CPQ: variants seen among roughly 807,000 people sequenced by gnomAD.
The protein encoded by CPQ is carboxypeptidase Q, also known as Ser-Met dipeptidase.
Under a neutral mutation model 45.7 loss-of-function variants are expected in CPQ, and 37 were observed. The observed-to-expected ratio is 0.81, with a 90% CI of 0.62 to 1.07. The LOEUF (loss-of-function observed/expected upper bound fraction) is 1.07. CPQ is among the 50% of genes least tolerant of loss of function. The pLI is 0.00. For missense variants in CPQ, 537 were observed against 572.9 expected (o/e 0.94, Z 0.64); for synonymous variants, 186 against 205.8 (o/e 0.90, Z 0.82).
intron 3 of CPQ, among the ~76,000 whole-genome samples, chr8:96,849,966 A>T (rs966859976): frequency 1.3e-5 from 2 of 152,182 alleles, no homozygotes; most frequent in African/African-American, 4.8e-5. Context: ...ACAAGGACAC[A>T]TTATTTTTTA....
chr8:96,922,675 G>A (rs138900333), intron 4 of CPQ, among the ~76,000 whole-genome samples: 61 of 152,212 alleles, frequency 4.0e-4, no homozygotes, highest in African/African-American at 1.3e-3. Context: ...CAATGTCTCC[G>A]ACAACCTAAA....
intron 1 of CPQ, among the ~76,000 whole-genome samples, chr8:96,648,847 C>T (rs983292220): frequency 6.6e-6 from 1 of 152,186 alleles, no homozygotes; most frequent in Non-Finnish European, 1.5e-5. Context: ...ATGAACATGG[C>T]ATTCTTCAGG....
chr8:97,024,009 A>G (rs1245740535), intron 5 of CPQ, among the ~76,000 whole-genome samples: 2 of 152,156 alleles, frequency 1.3e-5, no homozygotes, highest in Non-Finnish European at 2.9e-5. Flanking sequence ...ATCCTCAGCC[A>G]TTGTTCCCTA....
intron 1 of CPQ, among the ~76,000 whole-genome samples, chr8:96,747,133 A>G (rs552214966): frequency 1.0e-3 from 152 of 152,228 alleles, no homozygotes; most frequent in Non-Finnish European, 1.9e-3. Flanking sequence ...TCTACTAAAA[A>G]TACAAAAATT....
At chr8:96,909,603 G>C (rs538037470) in intron 4 of CPQ, among the ~76,000 whole-genome samples, 13 of 152,270 alleles carry the variant, frequency 8.5e-5, no homozygotes, top group Non-Finnish European at 1.5e-5. Flanking sequence ...CTTTCTCACA[G>C]TATTGGAAAC....
intron 1 of CPQ, among the ~76,000 whole-genome samples, chr8:96,743,315 T>A (rs1004251642): frequency 2.6e-5 from 4 of 151,742 alleles, no homozygotes; most frequent in African/African-American, 9.6e-5. Flanking sequence ...GAGCCTTGGT[T>A]TTCAGCTCCA....
intron 3 of CPQ, among the ~76,000 whole-genome samples, chr8:96,836,079 T>G (rs1328595991): frequency 6.6e-6 from 1 of 152,202 alleles, no homozygotes; most frequent in Non-Finnish European, 1.5e-5. Context: ...AGCATAACTT[T>G]AGTGTGATAG....
intron 7 of CPQ, among the ~76,000 whole-genome samples, chr8:97,088,995 G>C (rs1483240888): frequency 6.6e-6 from 1 of 152,126 alleles, no homozygotes; most frequent in Admixed American, 6.6e-5. Context: ...TGTAATCCCA[G>C]CACTTTGGAA....
At chr8:96,799,143 A>C (rs1170051673) in intron 2 of CPQ, among the ~76,000 whole-genome samples, 4 of 152,226 alleles carry the variant, frequency 2.6e-5, no homozygotes, top group Non-Finnish European at 5.9e-5. Context: ...GAGAAGGATA[A>C]ATAAACATCA....
intron 1 of CPQ, among the ~76,000 whole-genome samples, chr8:96,767,416 G>A (rs1210716343): frequency 6.6e-6 from 1 of 151,302 alleles, no homozygotes; most frequent in African/African-American, 2.4e-5. Context: ...TTCCCAAGCC[G>A]TTTTTGGCAC....
intron 3 of CPQ, among the ~76,000 whole-genome samples, chr8:96,861,060 C>A (rs1811920446): frequency 6.6e-6 from 1 of 152,100 alleles, no homozygotes; most frequent in Non-Finnish European, 1.5e-5. Flanking sequence ...ATTCACTCTT[C>A]TTTAAACAGT....
intron 1 of CPQ, among the ~76,000 whole-genome samples, chr8:96,734,574 G>T (rs1198039862): frequency 6.6e-6 from 1 of 151,974 alleles, no homozygotes; most frequent in Admixed American, 6.6e-5. Context: ...AGCTGGGCGT[G>T]GTGGCAGGCG....
chr8:97,119,404 G>T (rs924557605), intron 7 of CPQ, among the ~76,000 whole-genome samples: 1 of 149,482 alleles, frequency 6.7e-6, no homozygotes. Context: ...GTGATCTCAG[G>T]TTAATGATTT....
intron 1 of CPQ, among the ~76,000 whole-genome samples, chr8:96,751,257 T>C (rs562692320): frequency 6.6e-6 from 1 of 152,322 alleles, no homozygotes; most frequent in South Asian, 2.1e-4. Context: ...CCACCAACAG[T>C]GTAACAGCAT....
intron 3 of CPQ, among the ~76,000 whole-genome samples, chr8:96,841,484 T>A (rs1039407601): frequency 6.6e-6 from 1 of 152,214 alleles, no homozygotes; most frequent in Admixed American, 6.5e-5. Context: ...CTGCCACACA[T>A]ACATTTTTTC....
intron 4 of CPQ, among the ~76,000 whole-genome samples, chr8:96,926,436 A>T (rs552044309): frequency 1.3e-5 from 2 of 152,328 alleles, no homozygotes; most frequent in East Asian, 3.9e-4. Context: ...ATAAACGTTT[A>T]TGGAATGCCT....
At chr8:96,923,938 G>A (rs1586453479) in intron 4 of CPQ, among the ~76,000 whole-genome samples, 2 of 152,222 alleles carry the variant, frequency 1.3e-5, no homozygotes, top group South Asian at 4.1e-4. Context: ...GCCCCTGAAG[G>A]ATGAGAAAGC....
chr8:96,851,030 G>A (rs1053106369), intron 3 of CPQ, among the ~76,000 whole-genome samples: 12 of 152,172 alleles, frequency 7.9e-5, no homozygotes, highest in Non-Finnish European at 5.9e-5. Flanking sequence ...AATTCAGAGA[G>A]GGGTAAAGAA....
chr8:96,808,084 C>T (rs1174707195), intron 2 of CPQ, among the ~76,000 whole-genome samples: 2 of 152,128 alleles, frequency 1.3e-5, no homozygotes, highest in Non-Finnish European at 2.9e-5. Context: ...CTTAGAGTTG[C>T]TGTTGAATAC....
Sources: gnomAD v4.1 joint callset for allele counts (sites outside exome capture counted in the v4.1 genomes callset) on GRCh38, gnomAD v4.1.1 for gene constraint, MANE v1.5 for transcripts, NCBI Gene and HGNC (gene_info 2026-07-23, HGNC 2026-07-21) for gene names.